The following DNAH5 variants were observed in gnomAD, a reference collection of about 807,000 sequenced individuals.
The protein encoded by DNAH5 is axonemal beta dynein heavy chain 5.
Under a neutral mutation model 518.2 loss-of-function variants are expected in DNAH5, and 372 were observed. The observed-to-expected ratio is 0.72, with a 90% CI of 0.66 to 0.78. The LOEUF is 0.78. DNAH5 is among the 30% of genes least tolerant of loss of function. DNAH5 has a pLI of 0.00. For missense variants in DNAH5, 5,523 were observed against 5,687.0 expected (o/e 0.97, Z 0.93); for synonymous variants, 2,039 against 2,025.9 (o/e 1.01, Z -0.17).
chr5:13,777,273 T>C lies in DNAH5; in HGVS notation c.9034A>G (p.Ile3012Val). 6.2e-7 allele frequency: 1 copy of C among 1,613,326 alleles called. No homozygotes were observed. The highest frequency in any genetic ancestry group is 1.3e-5 in the African/African-American group (1 of 75,016). ...TCTTTAATCTCATTGTCTGTGAAAA[T>C]AAAAGTGATTCCTTTGCCTTGCTGA... ...AGQQGKGITF[I>V]FTDNEIKDES... Residue 3012 changes from isoleucine to valine, a missense_variant, in exon 54 of 79, where the codon ATT (isoleucine) becomes GTT (valine). Physicochemically the swap from Ile to Val is conservative, Grantham distance 29. Coordinates refer to ENST00000265104, the MANE Select transcript of DNAH5 (RefSeq NM_001369.3).
At chr5:13,820,667 A>C (rs1352302908) in intron 40 of DNAH5, among the ~76,000 whole-genome samples, 168 bp from the exon 41 acceptor site, 1 of 152,132 alleles carries the variant, frequency 6.6e-6, no homozygotes, top group Non-Finnish European at 1.5e-5. Context: ...TACTAAAAAA[A>C]TACAAAAATT....
At chr5:13,720,830 T>G (rs994295296) in intron 71 of DNAH5, among the ~76,000 whole-genome samples, 170 bp downstream of exon 71, 1 of 150,364 alleles carries the variant, frequency 6.7e-6, no homozygotes, top group Non-Finnish European at 1.5e-5. Context: ...TTTGCCACAT[T>G]GCCTCAAAAG....
chr5:13,884,946 C>T (rs528419011), intron 19 of DNAH5, 43 bp downstream of exon 19: 2 of 1,613,340 alleles, frequency 1.2e-6, no homozygotes, highest in South Asian at 2.2e-5. Flanking sequence ...ACCCCAGCAA[C>T]TATGCCTGAT....
In DNAH5 at chr5:13,776,578, G is replaced by C; in HGVS notation, c.9234C>G (p.Val3078=). The change falls in exon 55 of 79, where the codon GTC becomes GTG. Residue 3078 remains valine, a synonymous_variant. Coordinates refer to ENST00000265104, the MANE Select transcript of DNAH5 (RefSeq NM_001369.3). ...AGAGCACAATATGAAGGTTCTGTCG[G>C]ACCCGACTCATGAAGTAGTCGTGCA... ...ENLHDYFMSR[V]RQNLHIVLCF... 6.2e-7 allele frequency: 1 copy of C among 1,613,906 alleles called. No individual in the cohort carries two copies. Among genetic ancestry groups the C allele is most frequent in the Non-Finnish European group, 8.5e-7 (1 of 1,179,866 alleles).
chr5:13,695,466 C>T (rs1023701382), intron 78 of DNAH5, among the ~76,000 whole-genome samples: 1 of 152,150 alleles, frequency 6.6e-6, no homozygotes, highest in Admixed American at 6.5e-5. Context: ...TAGCTGTCCT[C>T]ATTTTCAAGT....
intron 1 of DNAH5, among the ~76,000 whole-genome samples, chr5:13,984,521 T>A (rs1197989952): frequency 2.0e-5 from 3 of 152,192 alleles, no homozygotes; most frequent in Non-Finnish European, 4.4e-5. Flanking sequence ...ACCCTTTATT[T>A]CTTTCTCCTG....
intron 46 of DNAH5, 101 bp from the exon 47 acceptor site, chr5:13,807,826 T>C: frequency 1.0e-6 from 1 of 983,214 alleles, no homozygotes; most frequent in Non-Finnish European, 1.5e-6. Context: ...CAACCCCTAG[T>C]ACCTTAAAAT....
intron 31 of DNAH5, among the ~76,000 whole-genome samples, chr5:13,849,604 GTCCAT>G (rs1766532341): frequency 6.6e-6 from 1 of 151,994 alleles, no homozygotes; most frequent in African/African-American, 2.4e-5. Flanking sequence ...TAAATCTAAG[GTCCAT>G]TTGTAGTTTT....
At chr5:13,801,940 A>T (rs1758820005) in intron 47 of DNAH5, among the ~76,000 whole-genome samples, 1 of 152,104 alleles carries the variant, frequency 6.6e-6, no homozygotes, top group African/African-American at 2.4e-5. Context: ...ATATTTCTAG[A>T]GTAGCCATTT....
intron 1 of DNAH5, among the ~76,000 whole-genome samples, chr5:13,961,549 C>T (rs564189920): frequency 2.4e-4 from 36 of 152,184 alleles, no homozygotes; most frequent in East Asian, 3.9e-4. Context: ...GAAGCTGAGG[C>T]GGGAGAATCA....
chr5:13,791,137 A>G (rs1309393154), intron 50 of DNAH5, among the ~76,000 whole-genome samples: 1 of 152,196 alleles, frequency 6.6e-6, no homozygotes, highest in Admixed American at 6.5e-5. Flanking sequence ...TTGGTTACCT[A>G]TATTGCAAGC....
intron 68 of DNAH5, 39 bp from the exon 69 acceptor site, chr5:13,729,599 T>C (rs747676516): frequency 3.8e-6 from 6 of 1,561,016 alleles, no homozygotes; most frequent in Admixed American, 3.4e-5. Flanking sequence ...TTTCCCTTCC[T>C]TCACTATAAA....
intron 1 of DNAH5, among the ~76,000 whole-genome samples, chr5:13,997,554 C>T (rs1241018570): frequency 2.6e-5 from 4 of 152,218 alleles, no homozygotes; most frequent in Non-Finnish European, 5.9e-5. Context: ...ACCACTTAAG[C>T]AATCTCTAAA....
chr5:13,871,882 C>T, intron 22 of DNAH5, 117 bp from the exon 23 acceptor site: 1 of 924,274 alleles, frequency 1.1e-6, no homozygotes, highest in Middle Eastern at 3.2e-4. Flanking sequence ...GTTTAGTGAA[C>T]TGTGTGATTA....
chr5:13,739,903 C>T (rs1378028996), intron 65 of DNAH5, among the ~76,000 whole-genome samples: 1 of 152,044 alleles, frequency 6.6e-6, no homozygotes, highest in African/African-American at 2.4e-5. Flanking sequence ...CTGATGACTC[C>T]CAAGTTTATA....
intron 1 of DNAH5, among the ~76,000 whole-genome samples, chr5:13,934,195 C>T (rs1014034260): frequency 6.6e-6 from 1 of 152,170 alleles, no homozygotes; most frequent in African/African-American, 2.4e-5. Context: ...TGGAGGAGAA[C>T]AAAACCTTCT....
At chr5:13,810,584 C>CAAAAAAAAAAAAAAAAA (rs61113976) in intron 44 of DNAH5, 1 of 99,730 alleles carries the variant, frequency 1.0e-5, no homozygotes, top group Admixed American at 1.1e-4. Flanking sequence ...ACTAAAAATA[C>CAAAAAAAAAAAAAAAAA]AAAAAAAAAA....
intron 52 of DNAH5, 129 bp from the exon 53 acceptor site, chr5:13,781,088 A>T: frequency 9.4e-7 from 1 of 1,064,622 alleles, no homozygotes; most frequent in East Asian, 2.8e-5. Flanking sequence ...ATCAGACTGG[A>T]GACACACTGG....
chr5:13,736,851 G>T (rs1326075389), intron 66 of DNAH5, among the ~76,000 whole-genome samples: 1 of 152,168 alleles, frequency 6.6e-6, no homozygotes, highest in East Asian at 1.9e-4. Context: ...TCTCCCAAGA[G>T]ACCACAGAAC....
Sources: gnomAD v4.1 joint callset for allele counts (sites outside exome capture counted in the v4.1 genomes callset) on GRCh38, gnomAD v4.1.1 for gene constraint, MANE v1.5 for transcripts, NCBI Gene and HGNC (gene_info 2026-07-23, HGNC 2026-07-21) for gene names.